The following ITM2B variants were observed in gnomAD, a reference collection of about 807,000 sequenced individuals.
ITM2B encodes the protein ABri/ADan amyloid peptide.
Under a neutral mutation model 27.8 loss-of-function variants are expected in ITM2B, and 11 were observed. That is an observed-to-expected ratio of 0.40 (90% CI 0.25 to 0.66). The LOEUF is 0.66. Ranked by LOEUF, ITM2B falls within the 30% of genes least tolerant of loss-of-function variation. The probability of loss-of-function intolerance (pLI) is 0.43; values close to 1 mark genes in which losing one functional copy is unlikely to be tolerated. For missense variants in ITM2B, 296 were observed against 328.9 expected, an observed-to-expected ratio of 0.90 and a Z score of 0.77; for synonymous variants, 114 against 114.3, an observed-to-expected ratio of 1.00 and a Z score of 0.02.
At chr13:48,240,616 A>C (rs1224166726) in intron 1 of ITM2B, among the ~76,000 whole-genome samples, 1 of 152,204 alleles carries the variant, frequency 6.6e-6, no homozygotes, top group Non-Finnish European at 1.5e-5. Flanking sequence ...GCAACATAAA[A>C]ACCCTTAGGA....
chr13:48,242,853 T>A (rs1328250587), intron 1 of ITM2B, among the ~76,000 whole-genome samples: 1 of 152,192 alleles, frequency 6.6e-6, no homozygotes. Flanking sequence ...ACTTGTCTGC[T>A]GTCATTCATT....
chr13:48,266,822 T>G lies in ITM2B; in HGVS notation c.*5598T>G, dbSNP rs1951855953. 1 of 152,182 alleles carries G rather than the reference T, an allele frequency of 6.6e-6. No homozygotes were observed. Among genetic ancestry groups the G allele is most frequent in the South Asian group, 2.1e-4 (1 of 4,832 alleles). The allele number at this position is 152,182 out of a possible 1,614,324, so 9.4% of individuals were successfully genotyped here. ...TGTGGGGGCCATATTAAGATTTTCA[T>G]ATGACAGAAGTGTATATATATCCAC... On this transcript the variant is annotated 3_prime_UTR_variant, in exon 6 of 6. Coordinates refer to ENST00000647800, the MANE Select transcript of ITM2B (RefSeq NM_021999.5).
At chr13:48,235,321 C>T (rs1425964871) in intron 1 of ITM2B, among the ~76,000 whole-genome samples, 1 of 152,128 alleles carries the variant, frequency 6.6e-6, no homozygotes, top group African/African-American at 2.4e-5. Flanking sequence ...ATTGGTAGCT[C>T]CGTGCTTTGT....
chr13:48,248,726 A>C (rs1309257425), intron 1 of ITM2B, among the ~76,000 whole-genome samples: 3 of 152,226 alleles, frequency 2.0e-5, no homozygotes, highest in African/African-American at 7.2e-5. Flanking sequence ...TCACAAAAAA[A>C]GTCATAATGG....
At position 48,256,185 on chromosome 13, in the gene ITM2B, C is replaced by T. The variant is rs74074155; in HGVS notation, c.255C>T (p.Asp85=). 11 of 1,609,114 alleles carry T rather than the reference C, an allele frequency of 6.8e-6. No homozygotes were observed. Among genetic ancestry groups the T allele is most frequent in the Admixed American group, 1.7e-5 (1 of 60,016 alleles). ...CTTTAAACTCTCTATAGCCAGATGA[C>T]GTGTACTACTGTGGAATAAAGTACA... The part of the protein sequence containing the change: ...LYKYFALQPD[D]VYYCGIKYIK... The change falls in exon 3 of 6, where the codon GAC becomes GAT. Residue 85 remains aspartate (D), a synonymous_variant. Coordinates refer to ENST00000647800, the MANE Select transcript of ITM2B (RefSeq NM_021999.5).
Position 48,265,091 on chromosome 13 carries a change from TA to T in ITM2B, c.*3871del, listed in dbSNP as rs1363207763. ...AAGATAATCCTAGCTTCCTCCCACTTAAAATAATTTGATGGGACTTCTGTAT... is the reference window on the plus strand; with the variant it reads ...AAGATAATCCTAGCTTCCTCCCACTTAAATAATTTGATGGGACTTCTGTAT... On this transcript the variant is annotated 3_prime_UTR_variant, in exon 6 of 6. Coordinates refer to ENST00000647800, the MANE Select transcript of ITM2B (RefSeq NM_021999.5). 1 of 152,176 alleles carries T rather than the reference TA, an allele frequency of 6.6e-6. No individual in the cohort carries two copies. 9.4% of individuals were successfully genotyped at this position (152,176 alleles called of 1,614,324 possible). A position where few individuals can be genotyped will look rare whatever the true frequency, so the allele number is the denominator to read the frequency against.
intron 1 of ITM2B, among the ~76,000 whole-genome samples, chr13:48,245,366 A>C (rs765499322): frequency 1.2e-4 from 19 of 152,294 alleles, no homozygotes; most frequent in Non-Finnish European, 2.5e-4. Flanking sequence ...GCATAGATTG[A>C]ATAAACACAG....
chr13:48,234,242 C>G (rs938267929), intron 1 of ITM2B, among the ~76,000 whole-genome samples: 2 of 152,038 alleles, frequency 1.3e-5, no homozygotes, highest in Non-Finnish European at 2.9e-5. Flanking sequence ...TAAAATTCTC[C>G]TTTATTTTAC....
intron 2 of ITM2B, among the ~76,000 whole-genome samples, chr13:48,255,551 C>T (rs529939976): frequency 6.6e-6 from 1 of 152,096 alleles, no homozygotes; most frequent in African/African-American, 2.4e-5. Flanking sequence ...TGTCTCAGGC[C>T]TCCTCCCCAC....
rs9332269 is a variant in ITM2B, at chr13:48,252,399, C to T, written c.118-1409C>T. Among the ~76,000 whole-genome samples the T allele has an allele frequency of 6.1e-4, 93 of 152,298 alleles. 1 individual carries two copies. The highest frequency in any genetic ancestry group is 9.7e-4 in the East Asian group (5 of 5,180). On this transcript the variant is annotated intron_variant, in intron 1 of 5. Coordinates refer to ENST00000647800, the MANE Select transcript of ITM2B (RefSeq NM_021999.5). Reference sequence around the variant, plus strand: ...ACAGTGAGCATTGCTGCCTGAGCTCCGCCTCCTCTCAGATCAGCGGGGGCA... The same window carrying T: ...ACAGTGAGCATTGCTGCCTGAGCTCTGCCTCCTCTCAGATCAGCGGGGGCA...
At position 48,256,296 on chromosome 13, in the gene ITM2B, T is replaced by TGAA; in HGVS notation, c.377_379dup (p.Glu126dup). ...CAATTGAAGAAAATATTAAAATCTTTGAAGAAGAAGAAGTTGAATTTATCA... is the reference window on the plus strand; with the variant it reads ...CAATTGAAGAAAATATTAAAATCTTTGAAGAAGAAGAAGAAGTTGAATTTATCA... On this transcript the variant is annotated inframe_insertion, in exon 3 of 6. Transcript: ENST00000647800. 1 of 1,613,950 alleles carries TGAA rather than the reference T, an allele frequency of 6.2e-7. No individual in the cohort carries two copies. The highest frequency in any genetic ancestry group is 1.1e-5 in the South Asian group (1 of 91,074).
intron 5 of ITM2B, among the ~76,000 whole-genome samples, chr13:48,260,395 G>T (rs1951814947): frequency 6.6e-6 from 1 of 151,992 alleles, no homozygotes; most frequent in Non-Finnish European, 1.5e-5. Context: ...TGGTATTTCT[G>T]GTTCTAGATC....
intron 5 of ITM2B, among the ~76,000 whole-genome samples, chr13:48,260,360 C>T (rs755989422): frequency 6.6e-6 from 1 of 152,002 alleles, no homozygotes; most frequent in Non-Finnish European, 1.5e-5. Context: ...GTGTATATGC[C>T]CAGTAATGGG....
rs543987868 is a variant in ITM2B, at chr13:48,269,994, A to G, written c.*8770A>G. On this transcript the variant is annotated 3_prime_UTR_variant, in exon 6 of 6. Coordinates refer to ENST00000647800, the MANE Select transcript of ITM2B (RefSeq NM_021999.5). ...TTCCCTTGGCTTCCCTTCTTTTCTC[A>G]CAGAGGCTTTTCCAGAAGGTGGTCA... The G allele has an allele frequency of 2.6e-5, 4 of 152,390 alleles. No homozygotes were observed. The South Asian group carries it at 8.3e-4, about 32-fold the overall frequency. The allele number at this position is 152,390 out of a possible 1,614,324, so 9.4% of individuals were successfully genotyped here.
At chr13:48,261,068 CTA>C in intron 5 of ITM2B, 69 bp from the exon 6 acceptor site, 1 of 982,284 alleles carries the variant, frequency 1.0e-6, no homozygotes, top group South Asian at 1.4e-5. Context: ...TAAATAATAA[CTA>C]TAAAAATGAT....
intron 1 of ITM2B, among the ~76,000 whole-genome samples, chr13:48,252,481 G>T (rs560237684): frequency 3.9e-5 from 6 of 152,308 alleles, no homozygotes; most frequent in African/African-American, 1.4e-4. Context: ...AGGGATCTAG[G>T]TTGTGCGCTC....
At chr13:48,237,370 G>A (rs912054069) in intron 1 of ITM2B, among the ~76,000 whole-genome samples, 10 of 152,286 alleles carry the variant, frequency 6.6e-5, no homozygotes, top group South Asian at 4.1e-4. Flanking sequence ...AATGAATTGC[G>A]TCTGTGCATC....
At chr13:48,248,514 A>C (rs1481458562) in intron 1 of ITM2B, among the ~76,000 whole-genome samples, 1 of 151,994 alleles carries the variant, frequency 6.6e-6, no homozygotes, top group African/African-American at 2.4e-5. Context: ...CTGACAATGT[A>C]GTGTATATTC....
In ITM2B at chr13:48,263,689, C is replaced by T. The variant is rs965059403; in HGVS notation, c.*2465C>T. 1 of 152,224 alleles carries T rather than the reference C, an allele frequency of 6.6e-6. No individual in the cohort carries two copies. The highest frequency in any genetic ancestry group is 1.5e-5 in the Non-Finnish European group (1 of 68,096). 9.4% of individuals were successfully genotyped at this position (152,224 alleles called of 1,614,324 possible). A position where few individuals can be genotyped will look rare whatever the true frequency, so the allele number is the denominator to read the frequency against. On this transcript the variant is annotated 3_prime_UTR_variant, in exon 6 of 6. Coordinates refer to ENST00000647800, the MANE Select transcript of ITM2B (RefSeq NM_021999.5). ...AGCTGGAAAGTTCAAGATCAAGTCA[C>T]CTGCAGATTCAGTGTCTGATGAGGT... is the stretch of plus-strand genomic sequence containing the variant.
Sources: gnomAD v4.1 joint callset for allele counts (sites outside exome capture counted in the v4.1 genomes callset) on GRCh38, gnomAD v4.1.1 for gene constraint, MANE v1.5 for transcripts, NCBI Gene and HGNC (gene_info 2026-07-23, HGNC 2026-07-21) for gene names.